CGGBP1: variants seen among roughly 807,000 people sequenced by gnomAD.
CGGBP1 encodes the protein CGG triplet repeat-binding protein 1.
In CGGBP1, 4 loss-of-function variants were observed where a neutral mutation model predicts 11.4. The observed-to-expected ratio is 0.35, with a 90% CI of 0.17 to 0.80. The LOEUF (loss-of-function observed/expected upper bound fraction) is 0.80. CGGBP1 is among the 30% of genes least tolerant of loss of function. The pLI is 0.52. For synonymous variants in CGGBP1, 76 were observed against 74.1 expected (o/e 1.03, Z -0.13); for missense variants, 135 against 202.1 (o/e 0.67, Z 2.01).
At chr3:88,105,855 G>A (rs1704705493) in intron 2 of CGGBP1, among the ~76,000 whole-genome samples, 1 of 152,190 alleles carries the variant, frequency 6.6e-6, no homozygotes, top group African/African-American at 2.4e-5. Flanking sequence ...AATTGTAACA[G>A]TATTAAGAGG....
At chr3:88,139,667 A>G (rs1360000836) in intron 2 of CGGBP1, 1 of 1,609,110 alleles carries the variant, frequency 6.2e-7, no homozygotes. Flanking sequence ...AAATTCCCAT[A>G]AGTGTACCAG....
At chr3:88,083,317 G>T (rs536448410) in intron 2 of CGGBP1, among the ~76,000 whole-genome samples, 1 of 152,218 alleles carries the variant, frequency 6.6e-6, no homozygotes, top group South Asian at 2.1e-4. Flanking sequence ...TTTACATTTT[G>T]ACAGTTTTGA....
At chr3:88,068,490 T>C (rs1475994579) in intron 2 of CGGBP1, among the ~76,000 whole-genome samples, 1 of 152,208 alleles carries the variant, frequency 6.6e-6, no homozygotes. Context: ...AGGTTGTTAA[T>C]ATGTATTTCT....
At chr3:88,141,608 A>G (rs377244287) in intron 1 of CGGBP1, 44 of 1,433,756 alleles carry the variant, frequency 3.1e-5, no homozygotes, top group South Asian at 7.8e-5. Context: ...TCGAATGTCA[A>G]TAAAACTTGC....
chr3:88,130,321 G>T (rs1176612269), intron 2 of CGGBP1, among the ~76,000 whole-genome samples: 1 of 151,978 alleles, frequency 6.6e-6, no homozygotes, highest in African/African-American at 2.4e-5. Context: ...AGAAAACTAG[G>T]TTTTATTTGC....
intron 2 of CGGBP1, among the ~76,000 whole-genome samples, chr3:88,096,925 T>G (rs1346361815): frequency 1.3e-5 from 2 of 152,128 alleles, no homozygotes; most frequent in African/African-American, 2.4e-5. Context: ...TTTAGACAAA[T>G]GCTAGTATAC....
At chr3:88,146,372 C>T (rs1339468360) in intron 1 of CGGBP1, among the ~76,000 whole-genome samples, 3 of 152,126 alleles carry the variant, frequency 2.0e-5, no homozygotes, top group African/African-American at 7.2e-5. Context: ...ATTAATAGCT[C>T]CTTAAATGGT....
intron 2 of CGGBP1, among the ~76,000 whole-genome samples, chr3:88,072,811 A>G (rs1000021226): frequency 2.6e-5 from 4 of 152,218 alleles, no homozygotes; most frequent in Admixed American, 6.5e-5. Context: ...GGTTTGAATA[A>G]ATTAATGAAT....
intron 2 of CGGBP1, among the ~76,000 whole-genome samples, chr3:88,087,179 A>G (rs1348497687): frequency 6.6e-6 from 1 of 152,086 alleles, no homozygotes; most frequent in Non-Finnish European, 1.5e-5. Context: ...CCCAGGTTCA[A>G]GTGATTCTCA....
At chr3:88,139,765 A>G (rs1400627013) in intron 2 of CGGBP1, 4 of 1,554,344 alleles carry the variant, frequency 2.6e-6, no homozygotes, top group Non-Finnish European at 3.5e-6. Context: ...TGTGGGGATG[A>G]TTATGAGGAG....
chr3:88,140,602 A>G (rs778434469), intron 2 of CGGBP1: 6 of 1,613,788 alleles, frequency 3.7e-6, no homozygotes, highest in Admixed American at 1.7e-5. Context: ...GATATAGTCA[A>G]TGGACACAGT....
At chr3:88,146,515 C>T (rs964980348) in intron 1 of CGGBP1, among the ~76,000 whole-genome samples, 2 of 151,984 alleles carry the variant, frequency 1.3e-5, no homozygotes, top group African/African-American at 4.8e-5. Context: ...GGAAACAGTG[C>T]AAAAAGGTGT....
At chr3:88,059,292 C>G (rs1272559119), upstream of CGGBP1, 4 of 1,531,488 alleles carry the variant, frequency 2.6e-6, no homozygotes, top group Non-Finnish European at 3.5e-6. Flanking sequence ...GGCGCAGGGG[C>G]TGGTACGCGC....
At position 88,055,832 on chromosome 3, in the gene CGGBP1, C is replaced by G; in HGVS notation, c.145G>C (p.Val49Leu). The G allele has an allele frequency of 6.2e-7, 1 of 1,614,162 alleles. No individual in the cohort carries two copies. Among genetic ancestry groups the G allele is most frequent in the Non-Finnish European group, 8.5e-7 (1 of 1,180,028 alleles). The change falls in exon 4 of 4, where the codon GTT becomes CTT. Residue 49 changes from valine to leucine, a missense_variant. Physicochemically the swap from Val to Leu is conservative, Grantham distance 32. Coordinates refer to ENST00000482016, the MANE Select transcript of CGGBP1 (RefSeq NM_001008390.2). This position sits in a 1 kb window ranked among gnomAD's most constrained non-coding sequence, Gnocchi z 4.2. ...GKLFCTSCNVVLNHVRKSAIS... is the reference protein window; with the variant it reads ...GKLFCTSCNVLLNHVRKSAIS... ...GCAGACTTGCGAACATGATTCAGAA[C>G]CACATTGCAAGAAGTGCAGAAGAGT...
intron 2 of CGGBP1, among the ~76,000 whole-genome samples, chr3:88,084,682 A>G (rs1238368751): frequency 6.6e-6 from 1 of 152,202 alleles, no homozygotes; most frequent in Non-Finnish European, 1.5e-5. Context: ...ATTTTATCCA[A>G]GTTTGCCTGC....
chr3:88,112,548 CCTGTT>C (rs1705155910), intron 2 of CGGBP1, among the ~76,000 whole-genome samples: 1 of 151,864 alleles, frequency 6.6e-6, no homozygotes, highest in Admixed American at 6.6e-5. Flanking sequence ...TTTGAGCCAT[CCTGTT>C]ATGAGTGGGA....
chr3:88,141,124 G>A (rs148382827), intron 1 of CGGBP1: 2 of 1,489,106 alleles, frequency 1.3e-6, no homozygotes, highest in African/African-American at 2.8e-5. Flanking sequence ...ATAGATCTTT[G>A]AGATTTAAAA....
intron 2 of CGGBP1, 49 bp from the exon 3 acceptor site, chr3:88,057,341 CTTTTTT>C (rs5850826): frequency 6.8e-6 from 1 of 146,694 alleles, no homozygotes; most frequent in Non-Finnish European, 1.5e-5. Flanking sequence ...ATTTTTTCCA[CTTTTTT>C]TTTTTTTTTA....
chr3:88,088,213 C>G (rs900516276), intron 2 of CGGBP1, among the ~76,000 whole-genome samples: 1 of 152,116 alleles, frequency 6.6e-6, no homozygotes, highest in African/African-American at 2.4e-5. Flanking sequence ...ATTCATCAGT[C>G]AAGAAACTCC....
Sources: allele counts gnomAD v4.1 joint callset (sites outside exome capture counted in the v4.1 genomes callset), GRCh38; gene constraint gnomAD v4.1.1; non-coding constraint Gnocchi (gnomAD v3.1); transcripts MANE v1.5; gene names NCBI Gene and HGNC (gene_info 2026-07-23, HGNC 2026-07-21).